SLC2A2: variants seen among roughly 807,000 people sequenced by gnomAD.
The protein encoded by SLC2A2 is solute carrier family 2, facilitated glucose transporter member 2.
In SLC2A2, 36 loss-of-function variants were observed where a neutral mutation model predicts 54.5. That is an observed-to-expected ratio of 0.66 (90% CI 0.51 to 0.87). SLC2A2 has a LOEUF of 0.87. Ranked by LOEUF, SLC2A2 falls within the 40% of genes least tolerant of loss-of-function variation. The probability of loss-of-function intolerance (pLI) is 0.00; values close to 1 mark genes in which losing one functional copy is unlikely to be tolerated. For synonymous variants in SLC2A2, 223 were observed against 219.1 expected (o/e 1.02, Z -0.16); for missense variants, 543 against 624.3 (o/e 0.87, Z 1.39).
intron 2 of SLC2A2, among the ~76,000 whole-genome samples, chr3:171,015,828 A>G (rs906915752): frequency 1.3e-5 from 2 of 152,208 alleles, no homozygotes; most frequent in African/African-American, 4.8e-5. Context: ...GTGGGTCCTC[A>G]TAGAGTTAAC....
chr3:171,008,197 A>G (rs1418362770), intron 4 of SLC2A2, among the ~76,000 whole-genome samples: 1 of 152,136 alleles, frequency 6.6e-6, no homozygotes, highest in Non-Finnish European at 1.5e-5. Flanking sequence ...TGTGTAAAAG[A>G]TGCTTTGACA....
At chr3:171,010,717 A>C (rs920379666) in intron 3 of SLC2A2, among the ~76,000 whole-genome samples, 1 of 152,126 alleles carries the variant, frequency 6.6e-6, no homozygotes, top group African/African-American at 2.4e-5. Context: ...CCTTATCTAG[A>C]GAATTATAAT....
chr3:171,006,016 C>G lies in SLC2A2; in HGVS notation c.702G>C (p.Leu234=). 6.2e-7 allele frequency: 1 copy of G among 1,612,650 alleles called. No homozygotes were observed. The highest frequency in any genetic ancestry group is 8.5e-7 in the Non-Finnish European group (1 of 1,179,082). Residue 234 remains leucine (L), a synonymous_variant, in exon 6 of 11, where the codon CTG becomes CTC. Transcript: ENST00000314251. ...GGCTTTCTGGACAGAAAAAGAGTAG[C>G]AGAGACTGAAGGATGGCTCGCACAC... ...LSGVRAILQS[L]LLFFCPESPR... is the part of the protein sequence containing the mutation.
intron 3 of SLC2A2, among the ~76,000 whole-genome samples, chr3:171,012,494 G>A (rs966665245): frequency 3.9e-5 from 6 of 152,050 alleles, no homozygotes; most frequent in African/African-American, 1.4e-4. Context: ...ACCGTACCCT[G>A]GTAATTAAAC....
At chr3:171,008,639 A>AT (rs1305625962) in intron 4 of SLC2A2, among the ~76,000 whole-genome samples, 1 of 152,000 alleles carries the variant, frequency 6.6e-6, no homozygotes, top group Non-Finnish European at 1.5e-5. Context: ...CATTTTGTAT[A>AT]TTTTTTTCAC....
chr3:171,019,795 T>C (rs1716367134), intron 1 of SLC2A2, among the ~76,000 whole-genome samples: 1 of 152,186 alleles, frequency 6.6e-6, no homozygotes, highest in Non-Finnish European at 1.5e-5. Context: ...CATGAGTTTG[T>C]TTGATTTAAA....
chr3:171,016,238 C>G lies in SLC2A2; in HGVS notation c.109-1507G>C, dbSNP rs373191828. Among the ~76,000 whole-genome samples the G allele has an allele frequency of 9.7e-4, 147 of 152,284 alleles. 1 individual carries two copies. The South Asian group carries it at 0.029, about 30-fold the overall frequency. On this transcript the variant is annotated intron_variant, in intron 2 of 10. Transcript: ENST00000314251. ...TCACTTGAGGTCAGGAGTTCAAGAC[C>G]AGCCTGGCCAACGTGGCAAAACCCT...
chr3:171,007,199 T>C lies in SLC2A2; in HGVS notation c.561A>G (p.Ala187=). Residue 187 remains alanine (A), a synonymous_variant, in exon 5 of 11, where the codon GCA becomes GCG. Coordinates refer to ENST00000314251, the MANE Select transcript of SLC2A2 (RefSeq NM_000340.2). ...TGGCCAGCTGATGAAAAGTGCCAAG[T>C]GCTCCCCTGAGAGCGGTTGGAGCAA... ...GEIAPTALRG[A]LGTFHQLAIV... The C allele has an allele frequency of 6.2e-7, 1 of 1,612,842 alleles. No individual in the cohort carries two copies. Among genetic ancestry groups the C allele is most frequent in the Admixed American group, 1.7e-5 (1 of 59,852 alleles).
At position 171,014,692 on chromosome 3, in the gene SLC2A2, G is replaced by C; in HGVS notation, c.148C>G (p.Leu50Val). ...SHYRHVLGVP[L>V]DDRKAINNYV... Reference sequence around the variant, plus strand: ...TTGTTGATAGCTTTTCGGTCATCCAGTGGAACACCCAAAACATGTCTATAG... The same window carrying C: ...TTGTTGATAGCTTTTCGGTCATCCACTGGAACACCCAAAACATGTCTATAG... The change falls in exon 3 of 11, where the codon CTG becomes GTG. Residue 50 changes from leucine to valine, a missense_variant. By Grantham distance (32) the Leu-to-Val change is conservative (BLOSUM62 1). Around this residue, in one of 3 missense-constraint regions of SLC2A2, gnomAD observed 318 missense variants for 343.8 expected, o/e 0.93. Transcript: ENST00000314251. 1 of 1,613,672 alleles carries C rather than the reference G, an allele frequency of 6.2e-7. No homozygotes were observed. The highest frequency in any genetic ancestry group is 8.5e-7 in the Non-Finnish European group (1 of 1,179,558).
chr3:171,012,670 A>G (rs1337935454), intron 3 of SLC2A2, among the ~76,000 whole-genome samples: 1 of 152,168 alleles, frequency 6.6e-6, no homozygotes, highest in African/African-American at 2.4e-5. Context: ...TGGTAGATAA[A>G]TGACACTGGT....
rs1553788479 is a variant in SLC2A2, at chr3:171,019,085, A to ATGTGTGTGTGTGTATATATATATG, written c.16-463_16-462insCATATATATATACACACACACACA. Reference sequence around the variant, plus strand: ...TGTGTGTGTGTGTGTGTATATATATATGTGTGTGTGTGTATATATATATAT... The same window carrying ATGTGTGTGTGTGTATATATATATG: ...TGTGTGTGTGTGTGTGTATATATATATGTGTGTGTGTGTATATATATATGTGTGTGTGTGTGTATATATATATAT... On this transcript the variant is annotated intron_variant, in intron 1 of 10. Transcript: ENST00000314251. Among the ~76,000 whole-genome samples the ATGTGTGTGTGTGTATATATATATG allele has an allele frequency of 1.9e-4, 15 of 79,426 alleles. No individual in the cohort carries two copies. In the East Asian group the frequency reaches 2.2e-3, roughly 12 times the overall value. 52.1% of individuals were successfully genotyped at this position (79,426 alleles called of 152,430 possible).
intron 2 of SLC2A2, among the ~76,000 whole-genome samples, chr3:171,015,937 A>AATATAG (rs879442720): frequency 2.6e-3 from 396 of 152,312 alleles, no homozygotes; most frequent in Non-Finnish European, 3.6e-3. Context: ...CATGGGAGGA[A>AATATAG]GACGAGGCCA....
chr3:171,021,480 C>T (rs1024256949), intron 1 of SLC2A2, among the ~76,000 whole-genome samples: 1 of 152,216 alleles, frequency 6.6e-6, no homozygotes, highest in Non-Finnish European at 1.5e-5. Context: ...GCTTAAACAA[C>T]ACAAATTTAT....
In SLC2A2 at chr3:171,005,962, C is replaced by A; in HGVS notation, c.756G>T (p.Glu252Asp). The A allele has an allele frequency of 6.2e-7, 1 of 1,612,364 alleles. No homozygotes were observed. Among genetic ancestry groups the A allele is most frequent in the African/African-American group, 1.3e-5 (1 of 74,890 alleles). ...ACTTACTTTGTTTTGCTTTGACTTC[C>A]TCATCTAACTTGATGTAAAGGTATC... is the stretch of plus-strand genomic sequence containing the variant. ...SPRYLYIKLD[E>D]EVKAKQSLKR... is the part of the protein sequence containing the mutation. Residue 252 changes from glutamate to aspartate, a missense_variant, in exon 6 of 11, where the codon GAG becomes GAT. Physicochemically the swap from Glu to Asp is conservative, Grantham distance 45. This residue lies in a region of SLC2A2 where 318 missense variants were observed against 343.8 expected (regional missense o/e 0.93). Coordinates refer to ENST00000314251, the MANE Select transcript of SLC2A2 (RefSeq NM_000340.2).
chr3:171,003,686 T>C (rs1340207574), intron 7 of SLC2A2, among the ~76,000 whole-genome samples: 1 of 152,024 alleles, frequency 6.6e-6, no homozygotes, highest in African/African-American at 2.4e-5. Flanking sequence ...AGCTATTGAT[T>C]ATGAATAGTA....
intron 2 of SLC2A2, among the ~76,000 whole-genome samples, chr3:171,017,064 C>A (rs1716187569): frequency 6.6e-6 from 1 of 151,938 alleles, no homozygotes; most frequent in Non-Finnish European, 1.5e-5. Context: ...GTTGGTCAGG[C>A]TGGTCTCGAA....
chr3:171,008,622 C>T (rs1293695974), intron 4 of SLC2A2, among the ~76,000 whole-genome samples: 1 of 151,844 alleles, frequency 6.6e-6, no homozygotes, highest in Non-Finnish European at 1.5e-5. Context: ...TTCAATTTTA[C>T]CAAAAACATT....
In SLC2A2 at chr3:170,996,411, A is replaced by T. The variant is rs1021047546; in HGVS notation, c.*1492T>A. ...ACATATATGTGAACAACTTTAGAAAACAAAGCAAATGTTCAGTGGTTTTTA... is the reference window on the plus strand; with the variant it reads ...ACATATATGTGAACAACTTTAGAAATCAAAGCAAATGTTCAGTGGTTTTTA... On this transcript the variant is annotated 3_prime_UTR_variant, in exon 11 of 11. Coordinates refer to ENST00000314251, the MANE Select transcript of SLC2A2 (RefSeq NM_000340.2). 10 of 389,380 alleles carry T rather than the reference A, an allele frequency of 2.6e-5. No homozygotes were observed. The highest frequency in any genetic ancestry group is 3.6e-5 in the Non-Finnish European group (8 of 220,418). 24.1% of individuals were successfully genotyped at this position (389,380 alleles called of 1,614,324 possible).
intron 8 of SLC2A2, among the ~76,000 whole-genome samples, chr3:171,001,374 T>C (rs1044984407): frequency 6.6e-6 from 1 of 151,872 alleles, no homozygotes; most frequent in African/African-American, 2.4e-5. Context: ...AGTGGCCTTT[T>C]GGTTTAAACA....
Sources: allele counts gnomAD v4.1 joint callset (sites outside exome capture counted in the v4.1 genomes callset), GRCh38; gene constraint gnomAD v4.1.1; regional missense constraint gnomAD v4.1.1; transcripts MANE v1.5; gene names NCBI Gene and HGNC (gene_info 2026-07-23, HGNC 2026-07-21).